The following CYP19A1 variants were observed in gnomAD, a reference collection of about 807,000 sequenced individuals.
CYP19A1 encodes the protein aromatase.
In CYP19A1, 32 loss-of-function variants were observed where a neutral mutation model predicts 44.4. The observed-to-expected ratio is 0.72, with a 90% CI of 0.54 to 0.97. CYP19A1 has a LOEUF of 0.97. CYP19A1 is among the 50% of genes least tolerant of loss of function. CYP19A1 has a pLI of 0.00. For synonymous variants in CYP19A1, 212 were observed against 215.6 expected (o/e 0.98, Z 0.14); for missense variants, 598 against 637.8 (o/e 0.94, Z 0.67).
Position 51,305,909 on chromosome 15 carries a change from A to G in CYP19A1, c.-39+32586T>C, listed in dbSNP as rs147753567. ...CTTTGGTAATTACATAGCAACAGAA[A>G]ACTAATACAGTGAGTAAAGAGGGAA... is the stretch of plus-strand genomic sequence containing the variant. On this transcript the variant is annotated intron_variant, in intron 1 of 9. Transcript: ENST00000396402. Among the ~76,000 whole-genome samples the G allele has an allele frequency of 5.2e-3, 792 of 152,288 alleles. 2 individuals carry two copies. Among genetic ancestry groups the G allele is most frequent in the Non-Finnish European group, 8.3e-3 (566 of 68,022 alleles).
intron 8 of CYP19A1, 186 bp downstream of exon 8, chr15:51,214,884 A>C: frequency 1.1e-6 from 1 of 947,630 alleles, no homozygotes. Context: ...TTTTATGATT[A>C]AGAACACAGA....
At chr15:51,265,003 A>C (rs994608159) in intron 1 of CYP19A1, among the ~76,000 whole-genome samples, 1 of 152,242 alleles carries the variant, frequency 6.6e-6, no homozygotes, top group Non-Finnish European at 1.5e-5. Context: ...AATAACACAT[A>C]AGTAATCAGA....
chr15:51,237,569 C>A (rs962085665), intron 2 of CYP19A1, among the ~76,000 whole-genome samples: 1 of 152,106 alleles, frequency 6.6e-6, no homozygotes, highest in African/African-American at 2.4e-5. Flanking sequence ...TTGTTACCCT[C>A]AAAAAAGACT....
chr15:51,248,833 A>T (rs983609851), intron 1 of CYP19A1, among the ~76,000 whole-genome samples: 1 of 151,964 alleles, frequency 6.6e-6, no homozygotes, highest in African/African-American at 2.4e-5. Context: ...TGTTCTGCAC[A>T]TTGCTGCCAG....
chr15:51,269,039 T>C (rs2035029667), intron 1 of CYP19A1, among the ~76,000 whole-genome samples: 1 of 152,204 alleles, frequency 6.6e-6, no homozygotes, highest in South Asian at 2.1e-4. Flanking sequence ...TTTTAAATTT[T>C]TGATCAAGTT....
chr15:51,245,552 A>G (rs1206476882), intron 1 of CYP19A1, among the ~76,000 whole-genome samples: 1 of 152,216 alleles, frequency 6.6e-6, no homozygotes, highest in Non-Finnish European at 1.5e-5. Flanking sequence ...GCTTCTGCAC[A>G]GCAAAATAAA....
chr15:51,325,774 G>A (rs1221399944), intron 1 of CYP19A1, among the ~76,000 whole-genome samples: 1 of 145,250 alleles, frequency 6.9e-6, no homozygotes, highest in African/African-American at 2.6e-5. Flanking sequence ...GGAGTCAGAG[G>A]TTGCAGTGAG....
At position 51,228,904 on chromosome 15, in the gene CYP19A1, C is replaced by A. The variant is rs28757180; in HGVS notation, c.297-971G>T. Among the ~76,000 whole-genome samples, 574 of 152,200 alleles carry A rather than the reference C, an allele frequency of 3.8e-3. 6 individuals are homozygous for A. The highest frequency in any genetic ancestry group is 0.013 in the African/African-American group (556 of 41,528). On this transcript the variant is annotated intron_variant, in intron 3 of 9. Transcript: ENST00000396402. ...TATGGAGGTTTTCAGAACAAATAACCCTCAAAGATTGCAAGTGGTTACTAT... is the reference window on the plus strand; with the variant it reads ...TATGGAGGTTTTCAGAACAAATAACACTCAAAGATTGCAAGTGGTTACTAT...
At chr15:51,336,572 A>T (rs1209621237) in intron 1 of CYP19A1, among the ~76,000 whole-genome samples, 1 of 152,170 alleles carries the variant, frequency 6.6e-6, no homozygotes, top group African/African-American at 2.4e-5. Context: ...CAATCTCATC[A>T]CTGAAGACAA....
intron 1 of CYP19A1, among the ~76,000 whole-genome samples, chr15:51,323,423 A>T (rs537395130): frequency 1.3e-5 from 2 of 152,318 alleles, no homozygotes; most frequent in South Asian, 4.2e-4. Flanking sequence ...GATCAATGAT[A>T]AACGGAGATG....
At chr15:51,215,987 A>G (rs1403351893) in intron 6 of CYP19A1, 170 bp from the exon 7 acceptor site, 1 of 1,309,140 alleles carries the variant, frequency 7.6e-7, no homozygotes, top group Non-Finnish European at 1.0e-6. Context: ...TAAATTACAT[A>G]GACCCTACAC....
intron 1 of CYP19A1, among the ~76,000 whole-genome samples, chr15:51,275,869 GC>G (rs2035289677): frequency 1.3e-5 from 2 of 152,106 alleles, no homozygotes; most frequent in South Asian, 4.1e-4. Context: ...AACATAGATC[GC>G]CCCTACAGCA....
At chr15:51,308,705 C>A (rs2141009907) in intron 1 of CYP19A1, among the ~76,000 whole-genome samples, 1 of 152,226 alleles carries the variant, frequency 6.6e-6, no homozygotes, top group East Asian at 1.9e-4. Flanking sequence ...ATAAACAGAA[C>A]CCACACTCAG....
chr15:51,283,604 G>T lies in CYP19A1; in HGVS notation c.-38-40654C>A, dbSNP rs572774825. On this transcript the variant is annotated intron_variant, in intron 1 of 9. Transcript: ENST00000396402. ...AATATGCCCCATTTCTCAGGCTCTT[G>T]TTCCAATTGTCGGCAATTTGGACAC... 2.4e-4 allele frequency among the ~76,000 whole-genome samples: 37 copies of T among 152,310 alleles called. 2 individuals carry two copies. In the South Asian group the frequency reaches 7.7e-3, roughly 32 times the overall value.
chr15:51,213,296 G>GTC (rs376953817), intron 8 of CYP19A1, among the ~76,000 whole-genome samples: 19 of 152,192 alleles, frequency 1.2e-4, no homozygotes, highest in African/African-American at 4.6e-4. Flanking sequence ...CACCCTCACT[G>GTC]TCTCAGATTA....
chr15:51,325,796 C>T (rs1484918229), intron 1 of CYP19A1, among the ~76,000 whole-genome samples: 1 of 138,616 alleles, frequency 7.2e-6, no homozygotes, highest in African/African-American at 2.7e-5. Flanking sequence ...CAAGATGGCG[C>T]CACTGCACTC....
At chr15:51,259,428 G>T (rs28539929) in intron 1 of CYP19A1, among the ~76,000 whole-genome samples, 1 of 152,110 alleles carries the variant, frequency 6.6e-6, no homozygotes, top group African/African-American at 2.4e-5. Flanking sequence ...AGGGGGATTT[G>T]GGGGAGTGAA....
At chr15:51,267,014 A>G (rs996703940) in intron 1 of CYP19A1, among the ~76,000 whole-genome samples, 2 of 152,224 alleles carry the variant, frequency 1.3e-5, no homozygotes, top group African/African-American at 2.4e-5. Context: ...GTCTGCATCC[A>G]GAAGAAAATC....
chr15:51,257,376 G>C (rs2034553835), intron 1 of CYP19A1, among the ~76,000 whole-genome samples: 1 of 152,194 alleles, frequency 6.6e-6, no homozygotes, highest in Non-Finnish European at 1.5e-5. Context: ...GCAGGCCTAG[G>C]TAGGCCCTCC....
Sources: gnomAD v4.1 joint callset for allele counts (sites outside exome capture counted in the v4.1 genomes callset) on GRCh38, gnomAD v4.1.1 for gene constraint, MANE v1.5 for transcripts, NCBI Gene and HGNC (gene_info 2026-07-23, HGNC 2026-07-21) for gene names.